The following PPP2R2D variants were observed in gnomAD, a reference collection of about 807,000 sequenced individuals.
The protein encoded by PPP2R2D is protein phosphatase 2 regulatory subunit Bdelta, also known as serine/threonine-protein phosphatase 2A 55 kDa regulatory subunit B delta isoform.
Under a neutral mutation model 31.1 loss-of-function variants are expected in PPP2R2D, and 9 were observed. The ratio of observed to expected loss-of-function variants is 0.29; its 90% confidence interval spans 0.17 to 0.51. PPP2R2D has a LOEUF of 0.51. Among genes scored for constraint, PPP2R2D ranks in the 20% least tolerant of loss-of-function variants. PPP2R2D has a pLI of 0.98. For synonymous variants in PPP2R2D, 179 were observed against 172.6 expected, an observed-to-expected ratio of 1.04 and a Z score of -0.29; for missense variants, 391 against 465.6, an observed-to-expected ratio of 0.84 and a Z score of 1.48.
chr10:131,932,267 G>A (rs768821154), intron 2 of PPP2R2D, among the ~76,000 whole-genome samples: 2 of 152,124 alleles, frequency 1.3e-5, no homozygotes, highest in Non-Finnish European at 2.9e-5. Context: ...GAAGAGACCC[G>A]ATGTCTCCAT....
chr10:131,957,205 C>T lies in PPP2R2D; in HGVS notation c.*1242C>T, dbSNP rs1430205387. ...TGGAGATGGAGGTGTGTGCTGATCC[C>T]CCGTCCGCCTGTGGAGATGAAGGTG... On this transcript the variant is annotated 3_prime_UTR_variant, in exon 9 of 9. Transcript: ENST00000455566. 1 of 179,642 alleles carries T rather than the reference C, an allele frequency of 5.6e-6. No individual in the cohort carries two copies. Among genetic ancestry groups the T allele is most frequent in the Non-Finnish European group, 1.2e-5 (1 of 84,224 alleles). 11.1% of individuals were successfully genotyped at this position (179,642 alleles called of 1,614,324 possible). A position where few individuals can be genotyped will look rare whatever the true frequency, so the allele number is the denominator to read the frequency against.
intron 8 of PPP2R2D, among the ~76,000 whole-genome samples, chr10:131,955,478 C>T (rs2036775549): frequency 6.6e-6 from 1 of 152,158 alleles, no homozygotes; most frequent in Non-Finnish European, 1.5e-5. Flanking sequence ...GACATGGATT[C>T]TTACTGACAT....
intron 2 of PPP2R2D, among the ~76,000 whole-genome samples, chr10:131,917,477 A>C (rs1302379073): frequency 9.7e-5 from 12 of 123,228 alleles, no homozygotes; most frequent in African/African-American, 3.8e-4. Context: ...GGGTGGAATG[A>C]CAGTGTTTGT....
intron 2 of PPP2R2D, among the ~76,000 whole-genome samples, chr10:131,908,816 G>A (rs2035639520): frequency 6.6e-6 from 1 of 152,210 alleles, no homozygotes; most frequent in Non-Finnish European, 1.5e-5. Context: ...AGCTGACTCT[G>A]TCACTTCAGG....
chr10:131,971,001 A>T, the PPP2R2D span: 1 of 1,596,450 alleles, frequency 6.3e-7, no homozygotes. Context: ...AAGGCAGATC[A>T]GTGTACCACA....
chr10:131,928,070 G>T (rs2036140913), intron 2 of PPP2R2D, among the ~76,000 whole-genome samples: 1 of 152,196 alleles, frequency 6.6e-6, no homozygotes, highest in South Asian at 2.1e-4. Context: ...AGCTGCCGTG[G>T]ATACCTGGAA....
chr10:131,914,246 G>A (rs185796649), intron 2 of PPP2R2D, among the ~76,000 whole-genome samples: 3 of 152,306 alleles, frequency 2.0e-5, no homozygotes, highest in Admixed American at 2.0e-4. Context: ...TGTAATCCCA[G>A]CACTTTGGGA....
At chr10:131,961,034 G>A (rs1291428259), downstream of PPP2R2D, among the ~76,000 whole-genome samples, 1 of 152,186 alleles carries the variant, frequency 6.6e-6, no homozygotes, top group Non-Finnish European at 1.5e-5. Flanking sequence ...GAGAGGGACG[G>A]AAGCTGTCCG....
intron 8 of PPP2R2D, among the ~76,000 whole-genome samples, chr10:131,954,791 G>A (rs1256904231): frequency 2.0e-5 from 3 of 152,230 alleles, no homozygotes; most frequent in African/African-American, 7.2e-5. Context: ...GCCTCTCACC[G>A]CGCATGACCA....
At chr10:131,941,409 C>T (rs1030175764) in intron 5 of PPP2R2D, among the ~76,000 whole-genome samples, 1 of 152,138 alleles carries the variant, frequency 6.6e-6, no homozygotes, top group Non-Finnish European at 1.5e-5. Context: ...GCAAACTGGG[C>T]TCGAGCCCAG....
In PPP2R2D at chr10:131,944,131, C is replaced by G. The variant is rs782016273; in HGVS notation, c.641C>G (p.Thr214Arg). 1.2e-6 allele frequency: 2 copies of G among 1,611,556 alleles called. No homozygotes were observed. The highest frequency in any genetic ancestry group is 2.2e-5 in the South Asian group (2 of 90,474). ...ATTAATTTATGGCACTTAGAAATCACAGATAGAAGCTTTAGTATCCTTCCT... is the reference window on the plus strand; with the variant it reads ...ATTAATTTATGGCACTTAGAAATCAGAGATAGAAGCTTTAGTATCCTTCCT... ...LRINLWHLEI[T>R]DRSFNIVDIK... Residue 214 changes from threonine to arginine, a missense_variant, in exon 6 of 9, where the codon ACA becomes AGA. Physicochemically the swap from Thr to Arg is moderately conservative, Grantham distance 71 (BLOSUM62 -1). Coordinates refer to ENST00000455566, the MANE Select transcript of PPP2R2D (RefSeq NM_018461.5).
At chr10:131,970,605 C>A in the PPP2R2D span, 1 of 1,607,754 alleles carries the variant, frequency 6.2e-7, no homozygotes, top group Non-Finnish European at 8.5e-7. The surrounding 1 kb of genome is among the most constrained non-coding windows in gnomAD (Gnocchi z 4.1). Flanking sequence ...CCACGACATG[C>A]CATGACAGGA....
At chr10:131,955,582 G>C in intron 8 of PPP2R2D, 102 bp from the exon 9 acceptor site, 1 of 1,029,662 alleles carries the variant, frequency 9.7e-7, no homozygotes, top group Non-Finnish European at 1.3e-6. Context: ...ACTGGGTTGT[G>C]GGGGAGGGTG....
chr10:131,950,462 A>G (rs1475776380), intron 8 of PPP2R2D, among the ~76,000 whole-genome samples: 1 of 151,764 alleles, frequency 6.6e-6, no homozygotes, highest in East Asian at 1.9e-4. Flanking sequence ...CGGCTTTGCC[A>G]CGGCCACAGT....
At chr10:131,968,641 G>T in the PPP2R2D span, 2 of 1,380,400 alleles carry the variant, frequency 1.4e-6, no homozygotes, top group Non-Finnish European at 1.0e-6. Context: ...CTGAAACAGG[G>T]TAGCTCACTG....
At chr10:131,922,904 T>G (rs2036021437) in intron 2 of PPP2R2D, among the ~76,000 whole-genome samples, 1 of 152,218 alleles carries the variant, frequency 6.6e-6, no homozygotes, top group African/African-American at 2.4e-5. Context: ...TGGAATAATT[T>G]AGTCTACTTT....
intron 2 of PPP2R2D, among the ~76,000 whole-genome samples, chr10:131,908,651 T>A (rs2035635328): frequency 6.6e-6 from 1 of 152,258 alleles, no homozygotes; most frequent in South Asian, 2.1e-4. Flanking sequence ...TTACTTACTC[T>A]TTTCTCATCT....
intron 2 of PPP2R2D, among the ~76,000 whole-genome samples, chr10:131,906,283 T>A (rs1320360442): frequency 6.6e-6 from 1 of 152,236 alleles, no homozygotes; most frequent in Non-Finnish European, 1.5e-5. Flanking sequence ...TATAGCTTGA[T>A]AACAGCTGGT....
At chr10:131,968,265 T>C in the PPP2R2D span, 1 of 309,808 alleles carries the variant, frequency 3.2e-6, no homozygotes, top group Non-Finnish European at 6.0e-6. Context: ...TTATATCTAA[T>C]ATCAAATGAA....
Sources: allele counts gnomAD v4.1 joint callset (sites outside exome capture counted in the v4.1 genomes callset), GRCh38; gene constraint gnomAD v4.1.1; non-coding constraint Gnocchi (gnomAD v3.1); transcripts MANE v1.5; gene names NCBI Gene and HGNC (gene_info 2026-07-23, HGNC 2026-07-21).